The following ZSWIM4 variants were observed in gnomAD, a reference collection of about 807,000 sequenced individuals.
ZSWIM4 encodes the protein zinc finger SWIM domain-containing protein 4.
Under a neutral mutation model 102.5 loss-of-function variants are expected in ZSWIM4, and 62 were observed. That is an observed-to-expected ratio of 0.60 (90% CI 0.49 to 0.75). ZSWIM4 has a LOEUF of 0.75. Ranked by LOEUF, ZSWIM4 falls within the 30% of genes least tolerant of loss-of-function variation. The probability of loss-of-function intolerance (pLI) is 0.00; values close to 1 mark genes in which losing one functional copy is unlikely to be tolerated. For missense variants in ZSWIM4, 1,280 were observed against 1,529.6 expected, an observed-to-expected ratio of 0.84 and a Z score of 2.72; for synonymous variants, 652 against 674.5, an observed-to-expected ratio of 0.97 and a Z score of 0.52.
At chr19:13,812,521 GT>G in intron 5 of ZSWIM4, among the ~76,000 whole-genome samples, 1 of 148,424 alleles carries the variant, frequency 6.7e-6, no homozygotes, top group Non-Finnish European at 1.5e-5. Flanking sequence ...GTGCAGTGGT[GT>G]GATCTCAGCT....
chr19:13,802,519 G>A (rs1599581921), intron 2 of ZSWIM4, among the ~76,000 whole-genome samples: 1 of 151,712 alleles, frequency 6.6e-6, no homozygotes. Flanking sequence ...GGCAGAGGTT[G>A]CAGTGAGCCA....
At chr19:13,799,022 C>T (rs929492537) in intron 1 of ZSWIM4, among the ~76,000 whole-genome samples, 1 of 152,046 alleles carries the variant, frequency 6.6e-6, no homozygotes, top group Non-Finnish European at 1.5e-5. Context: ...CTCCTGGACT[C>T]AAGTGCACCA....
chr19:13,824,063 G>GGA (rs146415972), intron 11 of ZSWIM4, among the ~76,000 whole-genome samples: 1 of 150,498 alleles, frequency 6.6e-6, no homozygotes, highest in Non-Finnish European at 1.5e-5. Context: ...GAGGAGGCTG[G>GGA]GAGAGAGAGA....
At chr19:13,800,010 A>AG in intron 2 of ZSWIM4, 89 bp downstream of exon 2, 1 of 1,288,910 alleles carries the variant, frequency 7.8e-7, no homozygotes, top group Non-Finnish European at 1.1e-6. Context: ...GCCTGGGGCC[A>AG]GGGGATGGGA....
Position 13,817,941 on chromosome 19 carries a change from A to T in ZSWIM4, c.1889A>T (p.Gln630Leu). ...GTGGAGTTGGATGAGCGGTTGGTGC[A>T]GGTGCTGCGCAAGCAGGCGGGGCTG... Reference protein sequence around the residue: ...EEVELDERLVQVLRKQAGLLL... With the variant: ...EEVELDERLVLVLRKQAGLLL... Residue 630 changes from glutamine to leucine, a missense_variant, in exon 9 of 14, where the codon CAG (glutamine) becomes CTG (leucine). Transcript: ENST00000590508. 6.5e-7 allele frequency: 1 copy of T among 1,536,238 alleles called. No individual in the cohort carries two copies. Among genetic ancestry groups the T allele is most frequent in the Non-Finnish European group, 8.8e-7 (1 of 1,139,474 alleles).
At chr19:13,813,186 C>T (rs1249782854) in intron 6 of ZSWIM4, 22 bp downstream of exon 6, 1 of 1,582,642 alleles carries the variant, frequency 6.3e-7, no homozygotes, top group Non-Finnish European at 8.6e-7. Flanking sequence ...GGGTCTTTAC[C>T]ATGCCCCCCA....
In ZSWIM4 at chr19:13,823,433, G is replaced by A; in HGVS notation, c.2148G>A (p.Trp716Ter). 6.2e-7 allele frequency: 1 copy of A among 1,600,096 alleles called. No homozygotes were observed. Among genetic ancestry groups the A allele is most frequent in the South Asian group, 1.1e-5 (1 of 89,468 alleles). ...TCATGAGCAACCGCTTCCCCCGCTGGTTCATCCTTGGCCACCTGGAGACCC... is the reference window on the plus strand; with the variant it reads ...TCATGAGCAACCGCTTCCCCCGCTGATTCATCCTTGGCCACCTGGAGACCC... Reference protein sequence around the residue: ...DSIMSNRFPRWFILGHLETRQ... With the variant: ...DSIMSNRFPR Residue 716 changes from tryptophan to a stop codon, truncating the protein, a stop_gained, in exon 11 of 14, where the codon TGG (tryptophan) becomes TGA (stop). Transcript: ENST00000590508. LOFTEE classifies it high-confidence loss of function.
In ZSWIM4 at chr19:13,805,149, G is replaced by GT; in HGVS notation, c.712+2dup. ...GGCTCCGAGATCAACTTGGTGAATG[G>GT]TAAGGGCACCCCGGGGGTCCGGTGG... On this transcript the variant is annotated splice_donor_variant, in intron 3 of 13. Coordinates refer to ENST00000590508, the MANE Select transcript of ZSWIM4 (RefSeq NM_001367834.3). LOFTEE classifies it high-confidence loss of function. 6.3e-7 allele frequency: 1 copy of GT among 1,595,778 alleles called. No individual in the cohort carries two copies. Among genetic ancestry groups the GT allele is most frequent in the Non-Finnish European group, 8.5e-7 (1 of 1,177,276 alleles).
intron 10 of ZSWIM4, among the ~76,000 whole-genome samples, chr19:13,820,191 A>G (rs1451681103): frequency 6.6e-6 from 1 of 151,930 alleles, no homozygotes; most frequent in Admixed American, 6.6e-5. Context: ...GCCACCTCGC[A>G]CAGCCGTGCT....
In ZSWIM4 at chr19:13,830,687, C is replaced by T; in HGVS notation, c.2958C>T (p.Ile986=). The T allele has an allele frequency of 1.2e-6, 2 of 1,606,064 alleles. No individual in the cohort carries two copies. Among genetic ancestry groups the T allele is most frequent in the Non-Finnish European group, 1.7e-6 (2 of 1,179,158 alleles). ...RHELSAIVPL[I]IRSIHCAPML... is the part of the protein sequence containing the mutation. The stretch of plus-strand genomic sequence containing the variant: ...AGCTCTCTGCCATCGTCCCCCTCAT[C>T]ATTCGCAGCATCCACTGTGCCCCAA... Residue 986 remains isoleucine (I), a synonymous_variant, in exon 14 of 14, where the codon ATC becomes ATT. Coordinates refer to ENST00000590508, the MANE Select transcript of ZSWIM4 (RefSeq NM_001367834.3).
intron 8 of ZSWIM4, 138 bp from the exon 9 acceptor site, chr19:13,817,583 CA>C (rs1217985432): frequency 8.4e-7 from 1 of 1,190,926 alleles, no homozygotes; most frequent in Non-Finnish European, 1.2e-6. Flanking sequence ...CGCGCTCCCC[CA>C]ACCCCGTGAG....
At chr19:13,826,943 G>C (rs1975627444) in intron 12 of ZSWIM4, among the ~76,000 whole-genome samples, 1 of 144,310 alleles carries the variant, frequency 6.9e-6, no homozygotes, top group Non-Finnish European at 1.5e-5. Context: ...CTGCAGGATA[G>C]ACAGGTAAGG....
At chr19:13,820,391 G>T (rs755409964) in intron 10 of ZSWIM4, among the ~76,000 whole-genome samples, 2 of 151,560 alleles carry the variant, frequency 1.3e-5, no homozygotes, top group Admixed American at 6.6e-5. Flanking sequence ...GTGCACCACC[G>T]CACTGGGCTA....
At position 13,819,440 on chromosome 19, in the gene ZSWIM4, C is replaced by G. The variant is rs1402908916; in HGVS notation, c.2008C>G (p.Leu670Val). 6.2e-7 allele frequency: 1 copy of G among 1,610,548 alleles called. No individual in the cohort carries two copies. The highest frequency in any genetic ancestry group is 8.5e-7 in the Non-Finnish European group (1 of 1,178,540). ...HTCARYLFTA[L>V]LPHDPDLAYR... ...CTGTGCCCGCTACCTGTTCACCGCA[C>G]TGCTGCCTCATGACCCGGACCTGGC... Residue 670 changes from leucine to valine, a missense_variant, in exon 10 of 14, where the codon CTG becomes GTG. Transcript: ENST00000590508.
At chr19:13,815,789 A>T (rs1975261430) in intron 7 of ZSWIM4, among the ~76,000 whole-genome samples, 2 of 151,782 alleles carry the variant, frequency 1.3e-5, no homozygotes, top group African/African-American at 4.8e-5. Flanking sequence ...TATTTTTAAA[A>T]TTAGCCAGGC....
chr19:13,826,258 G>A (rs1975608514), intron 12 of ZSWIM4, among the ~76,000 whole-genome samples: 1 of 151,978 alleles, frequency 6.6e-6, no homozygotes, highest in Non-Finnish European at 1.5e-5. Flanking sequence ...CGGAGCCTGG[G>A]GGTGGGGCCT....
At chr19:13,819,795 G>A (rs1975412588) in intron 10 of ZSWIM4, among the ~76,000 whole-genome samples, 1 of 149,370 alleles carries the variant, frequency 6.7e-6, no homozygotes, top group African/African-American at 2.5e-5. Context: ...AGCCTCCCGA[G>A]TGGCTAGGAT....
At chr19:13,798,423 C>T (rs1304215878) in intron 1 of ZSWIM4, among the ~76,000 whole-genome samples, 1 of 151,978 alleles carries the variant, frequency 6.6e-6, no homozygotes, top group Non-Finnish European at 1.5e-5. Context: ...GCTGAGATTA[C>T]AGGTGTCCAG....
At position 13,823,232 on chromosome 19, in the gene ZSWIM4, C is replaced by G. The variant is rs1000843507; in HGVS notation, c.2061-114C>G. On this transcript the variant is annotated intron_variant, in intron 10 of 13. Transcript: ENST00000590508. ...CACACATCTTCCATCATCTTGGGCT[C>G]TCAGGGCTCTGCTGGCTGAAGTGGG... 5 of 1,117,150 alleles carry G rather than the reference C, an allele frequency of 4.5e-6. No individual in the cohort carries two copies. The African/African-American group carries it at 4.7e-5, about 11-fold the overall frequency. The allele number at this position is 1,117,150 out of a possible 1,614,324, so 69.2% of individuals were successfully genotyped here.
Sources: allele counts gnomAD v4.1 joint callset (sites outside exome capture counted in the v4.1 genomes callset), GRCh38; gene constraint gnomAD v4.1.1; transcripts MANE v1.5; gene names NCBI Gene and HGNC (gene_info 2026-07-23, HGNC 2026-07-21).